The following CORO2B variants were observed in gnomAD, a reference collection of about 807,000 sequenced individuals.
CORO2B encodes coronin 2B, also known as coronin-2B.
In CORO2B, 26 loss-of-function variants were observed where a neutral mutation model predicts 58.8. The ratio of observed to expected loss-of-function variants is 0.44; its 90% CI spans 0.32 to 0.61. CORO2B has a LOEUF of 0.61. Ranked by LOEUF, CORO2B falls within the 20% of genes least tolerant of loss-of-function variation. The probability of loss-of-function intolerance (pLI) is 0.04; values close to 1 mark genes in which losing one functional copy is unlikely to be tolerated. For synonymous variants in CORO2B, 242 were observed against 253.8 expected (o/e 0.95, Z 0.44); for missense variants, 460 against 645.1 (o/e 0.71, Z 3.11).
chr15:68,604,988 C>G (rs1566982904), intron 1 of CORO2B, among the ~76,000 whole-genome samples: 1 of 152,108 alleles, frequency 6.6e-6, no homozygotes, highest in Non-Finnish European at 1.5e-5. Flanking sequence ...GTGGCACACA[C>G]CTGTAATCCC....
chr15:68,561,312 C>T, the CORO2B span, among the ~76,000 whole-genome samples: 4 of 152,168 alleles, frequency 2.6e-5, no homozygotes, highest in Non-Finnish European at 5.9e-5. Context: ...GCCCATCTGC[C>T]ATTTTGGAGC....
At chr15:68,672,854 AG>A (rs1197633727) in intron 2 of CORO2B, among the ~76,000 whole-genome samples, 1 of 152,154 alleles carries the variant, frequency 6.6e-6, no homozygotes, top group Non-Finnish European at 1.5e-5. Flanking sequence ...CAGGGACTGC[AG>A]GTGGGATGTG....
chr15:68,675,175 G>A (rs577138249), intron 2 of CORO2B, among the ~76,000 whole-genome samples: 97 of 152,306 alleles, frequency 6.4e-4, no homozygotes, highest in African/African-American at 2.1e-3. Context: ...CCATGATGGC[G>A]AAAATACTTC....
the CORO2B span, among the ~76,000 whole-genome samples, chr15:68,524,903 T>C: frequency 6.6e-6 from 1 of 152,244 alleles, no homozygotes; most frequent in African/African-American, 2.4e-5. Context: ...AGCCTGAGCC[T>C]AGCCCTTAAC....
chr15:68,675,866 AACAG>A (rs1902566477), intron 2 of CORO2B, among the ~76,000 whole-genome samples: 1 of 152,178 alleles, frequency 6.6e-6, no homozygotes, highest in African/African-American at 2.4e-5. Flanking sequence ...CAGTGAACAA[AACAG>A]ACAAAAACCC....
At chr15:68,529,150 A>G in the CORO2B span, among the ~76,000 whole-genome samples, 1 of 152,126 alleles carries the variant, frequency 6.6e-6, no homozygotes, top group South Asian at 2.1e-4. Flanking sequence ...GTGGTTTGGC[A>G]GGCTGGGGTT....
chr15:68,552,749 G>A, the CORO2B span, among the ~76,000 whole-genome samples: 3 of 152,126 alleles, frequency 2.0e-5, no homozygotes, highest in African/African-American at 4.8e-5. Context: ...CTACCCCAAA[G>A]CATCAGCCCC....
chr15:68,695,252 C>A lies in CORO2B; in HGVS notation c.329C>A (p.Thr110Lys). 6.2e-7 allele frequency: 1 copy of A among 1,612,652 alleles called. No homozygotes were observed. Among genetic ancestry groups the A allele is most frequent in the Admixed American group, 1.7e-5 (1 of 59,990 alleles). The change falls in exon 3 of 12, where the codon ACG (threonine) becomes AAG (lysine). Residue 110 changes from threonine (T) to lysine (K), a missense_variant. This residue lies in a region of CORO2B where 352 missense variants were observed against 543.0 expected (regional missense o/e 0.65). Coordinates refer to ENST00000261861, the MANE Select transcript of CORO2B (RefSeq NM_006091.5). ...ATCATTGCCTCGTGCTCGGAGGACA[C>A]GTCGGTGAGCAGAGGGGTGCTCCCG... ...DNIIASCSED[T>K]SVRIWEIPEG...
chr15:68,711,004 T>C, intron 4 of CORO2B, 123 bp downstream of exon 4: 1 of 1,085,490 alleles, frequency 9.2e-7, no homozygotes, highest in Non-Finnish European at 1.3e-6. Context: ...TTCATTTGCT[T>C]ATTCATTCAT....
At chr15:68,723,163 C>A (rs544505459) in intron 11 of CORO2B, among the ~76,000 whole-genome samples, 65 of 148,816 alleles carry the variant, frequency 4.4e-4, no homozygotes, top group African/African-American at 1.5e-3. Context: ...GCTCTGTCAC[C>A]CAGGCTGGGG....
At chr15:68,641,154 A>G (rs1901207493) in intron 1 of CORO2B, among the ~76,000 whole-genome samples, 1 of 151,702 alleles carries the variant, frequency 6.6e-6, no homozygotes, top group Non-Finnish European at 1.5e-5. Flanking sequence ...AGAGACAGAC[A>G]CTCTCCATTC....
the CORO2B span, among the ~76,000 whole-genome samples, chr15:68,535,062 G>A: frequency 3.3e-5 from 5 of 152,220 alleles, no homozygotes; most frequent in South Asian, 1.0e-3. Flanking sequence ...GATGAGATTT[G>A]GGTGGGGACA....
the CORO2B span, among the ~76,000 whole-genome samples, chr15:68,561,886 G>A: frequency 6.6e-6 from 1 of 152,188 alleles, no homozygotes; most frequent in Non-Finnish European, 1.5e-5. Flanking sequence ...GAGTAGTAAA[G>A]GGGTGCCTGT....
the CORO2B span, among the ~76,000 whole-genome samples, chr15:68,562,795 C>T: frequency 0.74 from 112,526 of 151,640 alleles, 42,382 homozygotes; most frequent in East Asian, 0.87. Flanking sequence ...GCTAACACGG[C>T]GAAACCCCGT....
the CORO2B span, among the ~76,000 whole-genome samples, chr15:68,543,325 C>T: frequency 3.3e-5 from 5 of 152,158 alleles, no homozygotes; most frequent in Non-Finnish European, 7.4e-5. Context: ...TTGGCTTCCT[C>T]CCTCCCCCTG....
intron 1 of CORO2B, among the ~76,000 whole-genome samples, chr15:68,636,414 T>G (rs1901033742): frequency 6.6e-6 from 1 of 152,196 alleles, no homozygotes. Flanking sequence ...TGGCTGGGCT[T>G]GCATTGGGTG....
At chr15:68,633,543 ACACT>A (rs1555412742) in intron 1 of CORO2B, among the ~76,000 whole-genome samples, 2 of 151,396 alleles carry the variant, frequency 1.3e-5, no homozygotes, top group African/African-American at 4.9e-5. Context: ...ACACACACAC[ACACT>A]CACTCCTTGG....
chr15:68,596,043 G>A (rs1215251454), intron 1 of CORO2B, among the ~76,000 whole-genome samples: 1 of 152,048 alleles, frequency 6.6e-6, no homozygotes, highest in East Asian at 1.9e-4. Context: ...AAGGTGATGA[G>A]GGCTCAGGGG....
Position 68,725,906 on chromosome 15 carries a change from A to G in CORO2B, c.1375A>G (p.Lys459Glu). 1 of 1,614,060 alleles carries G rather than the reference A, an allele frequency of 6.2e-7. No individual in the cohort carries two copies. ...ACGGTTGAAAGAGGAGCTGGCCCAGAAGGACATCCGCATTCGGCAGCTCCA... is the reference window on the plus strand; with the variant it reads ...ACGGTTGAAAGAGGAGCTGGCCCAGGAGGACATCCGCATTCGGCAGCTCCA... ...IRRLKEELAQ[K>E]DIRIRQLQLE... Residue 459 changes from lysine to glutamate, a missense_variant, in exon 12 of 12, where the codon AAG becomes GAG. Physicochemically the swap from Lys to Glu is moderately conservative, Grantham distance 56. Transcript: ENST00000261861.
Sources: gnomAD v4.1 joint callset for allele counts (sites outside exome capture counted in the v4.1 genomes callset) on GRCh38, gnomAD v4.1.1 for gene constraint, gnomAD v4.1.1 regional missense constraint, MANE v1.5 for transcripts, NCBI Gene and HGNC (gene_info 2026-07-23, HGNC 2026-07-21) for gene names.